SYNE2: variants seen among roughly 807,000 people sequenced by gnomAD.
The protein encoded by SYNE2 is spectrin repeat containing nuclear envelope protein 2, also known as nesprin-2.
SYNE2 carries 431 observed loss-of-function variants against 856.3 expected under a neutral mutation model. The observed-to-expected ratio is 0.50, with a 90% CI of 0.47 to 0.55. The LOEUF (loss-of-function observed/expected upper bound fraction) is 0.55, where lower values mean the gene tolerates loss of function less well. Among genes scored for constraint, SYNE2 ranks in the 20% least tolerant of loss-of-function variants. The pLI is 0.00. For missense variants in SYNE2, 8,129 were observed against 8,023.2 expected, an observed-to-expected ratio of 1.01 and a Z score of -0.50; for synonymous variants, 2,923 against 2,872.3, an observed-to-expected ratio of 1.02 and a Z score of -0.56.
chr14:64,078,373 T>C (rs1352375213), intron 54 of SYNE2, 93 bp from the exon 55 acceptor site: 1 of 1,571,070 alleles, frequency 6.4e-7, no homozygotes, highest in African/African-American at 1.4e-5. Flanking sequence ...TTTTACAAGT[T>C]AAAACAGAGT....
chr14:63,971,423 T>C (rs1159436134), intron 11 of SYNE2, among the ~76,000 whole-genome samples: 3 of 152,070 alleles, frequency 2.0e-5, no homozygotes, highest in African/African-American at 7.2e-5. Context: ...CCCTTAGAGT[T>C]GTACAATATC....
Position 64,052,531 on chromosome 14 carries a change from A to G in SYNE2, c.8618A>G (p.His2873Arg). Residue 2873 changes from histidine to arginine, a missense_variant, in exon 48 of 116, where the codon CAC becomes CGC. Physicochemically the swap from His to Arg is conservative, Grantham distance 29 (BLOSUM62 0). This residue lies in a region of SYNE2 where 5,410 missense variants were observed against 5,284.8 expected (regional missense o/e 1.02). Coordinates refer to ENST00000555002, the MANE Select transcript of SYNE2 (RefSeq NM_182914.3). Reference protein sequence around the residue: ...TAATEAELKHHHVTLEASQKE... With the variant: ...TAATEAELKHRHVTLEASQKE... ...GCCACGGAAGCTGAACTAAAACATC[A>G]CCATGTTACTTTGGAGGCATCTCAG... 6.2e-7 allele frequency: 1 copy of G among 1,614,132 alleles called. No homozygotes were observed. Among genetic ancestry groups the G allele is most frequent in the Non-Finnish European group, 8.5e-7 (1 of 1,180,042 alleles).
rs567116380 is a variant in SYNE2 at position 64,087,779 on chromosome 14, C to A, written c.11593C>A (p.Gln3865Lys). 1 of 1,614,072 alleles carries A rather than the reference C, an allele frequency of 6.2e-7. No individual in the cohort carries two copies. Among genetic ancestry groups the A allele is most frequent in the East Asian group, 2.2e-5 (1 of 44,868 alleles). ...AACAGATGAATTAACCCAATCCATA[C>A]AAGAGTTAAGTAATCAAGTAACAGC... The part of the protein sequence containing the change: ...FETDELTQSI[Q>K]ELSNQVTALQ... Residue 3865 changes from glutamine to lysine, a missense_variant, in exon 58 of 116, where the codon CAA becomes AAA. Physicochemically the swap from Gln to Lys is moderately conservative, Grantham distance 53 (BLOSUM62 1). Transcript: ENST00000555002.
intron 11 of SYNE2, among the ~76,000 whole-genome samples, chr14:63,971,823 TAA>T (rs1237130684): frequency 1.3e-5 from 2 of 152,058 alleles, no homozygotes; most frequent in African/African-American, 4.8e-5. Context: ...TTGCCTTCAT[TAA>T]AAAAATGACT....
intron 14 of SYNE2, among the ~76,000 whole-genome samples, chr14:63,979,567 C>G (rs765972507): frequency 7.9e-5 from 12 of 152,324 alleles, no homozygotes; most frequent in Admixed American, 5.9e-4. Context: ...ACAGAAATGT[C>G]AATTCTACAT....
intron 1 of SYNE2, among the ~76,000 whole-genome samples, chr14:63,785,229 C>T (rs1475573359): frequency 2.0e-5 from 3 of 151,856 alleles, no homozygotes; most frequent in African/African-American, 7.3e-5. Flanking sequence ...GGAGGTCAAG[C>T]GGGCAGATCA....
rs1567670215 is a variant in SYNE2, at chr14:64,215,365, G to T, written c.19402+11G>T. On this transcript the variant is annotated intron_variant, in intron 107 of 115. Transcript: ENST00000555002. The stretch of plus-strand genomic sequence containing the variant: ...TGAAAGCGTCTTCTGGTAGGCCCCC[G>T]CCCATGCATGTGTCAACATGGCAGC... 1 of 1,613,620 alleles carries T rather than the reference G, an allele frequency of 6.2e-7. No individual in the cohort carries two copies. Among genetic ancestry groups the T allele is most frequent in the Admixed American group, 1.7e-5 (1 of 60,026 alleles).
intron 17 of SYNE2, among the ~76,000 whole-genome samples, chr14:63,983,311 G>C (rs2096600732): frequency 6.6e-6 from 1 of 152,084 alleles, no homozygotes; most frequent in Admixed American, 6.6e-5. Flanking sequence ...TGTTTTCTTT[G>C]AGTGTATGCT....
chr14:64,158,346 C>G (rs544093557), intron 85 of SYNE2, among the ~76,000 whole-genome samples: 1 of 152,310 alleles, frequency 6.6e-6, no homozygotes, highest in African/African-American at 2.4e-5. Context: ...AATTCTAATA[C>G]TCACCCAGTG....
chr14:63,851,847 C>CTGAGGTGGGAGGATCACT (rs1890487601), upstream of SYNE2, among the ~76,000 whole-genome samples: 1 of 151,022 alleles, frequency 6.6e-6, no homozygotes, highest in South Asian at 2.1e-4. Context: ...CTTTGGGAGG[C>CTGAGGTGGGAGGATCACT]TGAGGTGGGA....
intron 1 of SYNE2, among the ~76,000 whole-genome samples, chr14:63,874,918 A>C (rs1243905606): frequency 1.3e-5 from 2 of 152,202 alleles, no homozygotes; most frequent in Non-Finnish European, 2.9e-5. Context: ...ATTTAAAGAC[A>C]TTTTGTTGTT....
chr14:64,132,165 G>C, intron 76 of SYNE2, 100 bp from the exon 77 acceptor site: 1 of 1,418,744 alleles, frequency 7.0e-7, no homozygotes, highest in Non-Finnish European at 9.8e-7. Flanking sequence ...TGGGATTTTG[G>C]ATTTAAAACA....
At chr14:63,945,976 G>A (rs2096019789) in intron 6 of SYNE2, among the ~76,000 whole-genome samples, 1 of 152,176 alleles carries the variant, frequency 6.6e-6, no homozygotes, top group African/African-American at 2.4e-5. Flanking sequence ...ATGATCTTTA[G>A]CTTTAGTATA....
At chr14:64,025,455 A>C in intron 41 of SYNE2, 34 bp downstream of exon 41, 1 of 1,591,172 alleles carries the variant, frequency 6.3e-7, no homozygotes, top group Non-Finnish European at 8.6e-7. Context: ...CAGAAGTCTG[A>C]GTGAACTCTA....
chr14:64,155,504 A>G (rs1335402258), intron 85 of SYNE2, among the ~76,000 whole-genome samples: 2 of 152,266 alleles, frequency 1.3e-5, no homozygotes, highest in Non-Finnish European at 2.9e-5. Context: ...AAAATGTTCT[A>G]AAATTGATTA....
intron 65 of SYNE2, among the ~76,000 whole-genome samples, chr14:64,112,366 T>C (rs1309931745): frequency 6.6e-6 from 1 of 152,212 alleles, no homozygotes; most frequent in Non-Finnish European, 1.5e-5. Flanking sequence ...GAGCAAAAGG[T>C]TTATACAGCA....
At chr14:63,947,888 C>T (rs1345088339) in intron 6 of SYNE2, among the ~76,000 whole-genome samples, 3 of 152,082 alleles carry the variant, frequency 2.0e-5, no homozygotes, top group Non-Finnish European at 4.4e-5. Flanking sequence ...TGTAGTGTCA[C>T]CTTCACACGT....
At chr14:63,986,710 C>CTTACTTTTTAAAGTAATTAAAAAAT in intron 19 of SYNE2, 93 bp downstream of exon 19, 1 of 1,327,446 alleles carries the variant, frequency 7.5e-7, no homozygotes, top group Non-Finnish European at 1.1e-6. Flanking sequence ...AGTAATAAGC[C>CTTACTTTTTAAAGTAATTAAAAAAT]TACAGTTTTA....
intron 8 of SYNE2, among the ~76,000 whole-genome samples, chr14:63,959,853 TA>T (rs748623001): frequency 1.3e-5 from 2 of 152,168 alleles, no homozygotes; most frequent in Non-Finnish European, 2.9e-5. Flanking sequence ...TAGTATAAAA[TA>T]TTTTCTCCAT....
Sources: allele counts gnomAD v4.1 joint callset (sites outside exome capture counted in the v4.1 genomes callset), GRCh38; gene constraint gnomAD v4.1.1; regional missense constraint gnomAD v4.1.1; transcripts MANE v1.5; gene names NCBI Gene and HGNC (gene_info 2026-07-23, HGNC 2026-07-21).